Variants in NPAS3 observed in about 807,000 individuals in gnomAD.
The protein encoded by NPAS3 is neuronal PAS domain-containing protein 3.
In NPAS3, 14 loss-of-function variants were observed where a neutral mutation model predicts 73.1. The ratio of observed to expected loss-of-function variants is 0.19; its 90% confidence interval spans 0.13 to 0.30. The LOEUF is 0.30. Among genes scored for constraint, NPAS3 ranks in the 10% least tolerant of loss-of-function variants. NPAS3 has a pLI of 1.00. For missense variants in NPAS3, 1,096 were observed against 1,250.0 expected (o/e 0.88, Z 1.86); for synonymous variants, 620 against 541.5 (o/e 1.14, Z -2.01).
chr14:33,778,548 G>A (rs1343310055), exon 9 of NPAS3: 1 of 1,613,638 alleles, frequency 6.2e-7, no homozygotes, highest in East Asian at 2.2e-5. Context: ...AGACGTGGAG[G>A]GCATCAGGCA....
intron 5 of NPAS3, among the ~76,000 whole-genome samples, chr14:33,655,272 A>T (rs1190686772): frequency 6.6e-6 from 1 of 151,722 alleles, no homozygotes; most frequent in African/African-American, 2.4e-5. Context: ...TGACCAGCTC[A>T]AGCTGACAAA....
rs138045426 is a variant in NPAS3 at position 33,145,089 on chromosome 14, AT to A, written c.141-70090del. 6.1e-4 allele frequency among the ~76,000 whole-genome samples: 93 copies of A among 152,314 alleles called. No individual in the cohort carries two copies. In the East Asian group the frequency reaches 0.016, roughly 27 times the overall value. ...ATGATATTTAAGTTACAGGGGAGAT[AT>A]TTGATGCCAACCAGAATTTTGTTTA... is the stretch of plus-strand genomic sequence containing the variant. On this transcript the variant is annotated intron_variant, in intron 2 of 11. Transcript: ENST00000356141.
At chr14:33,803,080 TAA>T (rs2063753699), downstream of NPAS3, 1 of 152,236 alleles carries the variant, frequency 6.6e-6, no homozygotes, top group East Asian at 1.9e-4. Context: ...ATATATTAAA[TAA>T]ATTGATGCCA....
chr14:33,405,014 A>C (rs945474263), intron 4 of NPAS3, among the ~76,000 whole-genome samples: 14 of 151,970 alleles, frequency 9.2e-5, no homozygotes, highest in African/African-American at 3.4e-4. Context: ...AGCTTAGAGA[A>C]TTGTTACTCT....
At chr14:32,951,137 A>C (rs760581278) in intron 1 of NPAS3, among the ~76,000 whole-genome samples, 2 of 152,026 alleles carry the variant, frequency 1.3e-5, no homozygotes, top group Non-Finnish European at 2.9e-5. Context: ...TCTTTGTAGG[A>C]AGTTGTATTC....
chr14:33,667,830 A>G (rs767617783), intron 5 of NPAS3, among the ~76,000 whole-genome samples: 1 of 152,150 alleles, frequency 6.6e-6, no homozygotes, highest in South Asian at 2.1e-4. Flanking sequence ...TAACTCCCCA[A>G]ATAATTTCTT....
chr14:33,379,532 A>G (rs1379941767), intron 4 of NPAS3, among the ~76,000 whole-genome samples: 1 of 152,122 alleles, frequency 6.6e-6, no homozygotes, highest in Non-Finnish European at 1.5e-5. Context: ...CATTTTTGTT[A>G]CCGGCATCAG....
At chr14:33,774,834 G>A (rs1410131273) in intron 8 of NPAS3, among the ~76,000 whole-genome samples, 4 of 152,176 alleles carry the variant, frequency 2.6e-5, no homozygotes, top group Admixed American at 2.0e-4. Flanking sequence ...TTGGCAAAAT[G>A]ATGCAGTAAA....
chr14:33,593,824 G>A (rs537575417), intron 5 of NPAS3, among the ~76,000 whole-genome samples: 49 of 152,322 alleles, frequency 3.2e-4, no homozygotes, highest in Non-Finnish European at 5.6e-4. Context: ...TTGCAGAATA[G>A]TAGGCAATGT....
intron 4 of NPAS3, among the ~76,000 whole-genome samples, chr14:33,490,281 A>G (rs915901526): frequency 2.2e-4 from 33 of 152,272 alleles, no homozygotes; most frequent in Middle Eastern, 3.4e-3. Context: ...TTTCTGTTTT[A>G]TATTACTAAA....
chr14:33,516,804 C>T (rs1340565595), intron 4 of NPAS3, among the ~76,000 whole-genome samples: 2 of 152,064 alleles, frequency 1.3e-5, no homozygotes, highest in East Asian at 3.9e-4. Flanking sequence ...TAAGAATTCT[C>T]ATAAAGCATT....
At chr14:33,291,974 G>A (rs1332342353) in intron 3 of NPAS3, among the ~76,000 whole-genome samples, 1 of 152,170 alleles carries the variant, frequency 6.6e-6, no homozygotes, top group Non-Finnish European at 1.5e-5. Context: ...GGAGAATGCT[G>A]CCCCACAGCA....
At chr14:33,236,678 C>A (rs1258072588) in intron 3 of NPAS3, among the ~76,000 whole-genome samples, 8 of 152,058 alleles carry the variant, frequency 5.3e-5, no homozygotes, top group Admixed American at 5.2e-4. Context: ...CTCCCTGTGA[C>A]CTTGGCTGAT....
intron 3 of NPAS3, among the ~76,000 whole-genome samples, chr14:33,310,439 T>C (rs1026183495): frequency 6.6e-6 from 1 of 152,038 alleles, no homozygotes; most frequent in African/African-American, 2.4e-5. Flanking sequence ...TTGACAAAAA[T>C]GAGTAGAGAG....
chr14:33,168,047 T>G (rs2045233126), intron 2 of NPAS3, among the ~76,000 whole-genome samples: 2 of 152,210 alleles, frequency 1.3e-5, no homozygotes, highest in Non-Finnish European at 2.9e-5. Context: ...TCATTTAGCA[T>G]TCTTTTCCTT....
chr14:33,669,198 G>T (rs1014666020), intron 5 of NPAS3, among the ~76,000 whole-genome samples: 8 of 152,152 alleles, frequency 5.3e-5, no homozygotes, highest in African/African-American at 1.9e-4. Context: ...TTTTAAGACT[G>T]TTAATGTTTC....
chr14:33,292,657 G>A (rs1369437147), intron 3 of NPAS3, among the ~76,000 whole-genome samples: 1 of 151,900 alleles, frequency 6.6e-6, no homozygotes, highest in African/African-American at 2.4e-5. Context: ...CTGCAAAGAC[G>A]ACTTACCCAA....
At chr14:33,254,201 C>T (rs536015739) in intron 3 of NPAS3, among the ~76,000 whole-genome samples, 69 of 152,192 alleles carry the variant, frequency 4.5e-4, no homozygotes, top group African/African-American at 1.3e-3. Flanking sequence ...CATAGTCCTC[C>T]GTGGCCTTCT....
intron 4 of NPAS3, among the ~76,000 whole-genome samples, chr14:33,402,182 C>T (rs2047474765): frequency 6.6e-6 from 1 of 152,068 alleles, no homozygotes; most frequent in Admixed American, 6.6e-5. Flanking sequence ...GCTTTCCTGA[C>T]ACCTGAGGTA....
Sources: gnomAD v4.1 joint callset for allele counts (sites outside exome capture counted in the v4.1 genomes callset) on GRCh38, gnomAD v4.1.1 for gene constraint, MANE v1.5 for transcripts, NCBI Gene and HGNC (gene_info 2026-07-23, HGNC 2026-07-21) for gene names.